Variants in OTOG observed in about 807,000 individuals in gnomAD.
OTOG encodes otogelin.
OTOG carries 296 observed loss-of-function variants against 313.8 expected under a neutral mutation model. That is an observed-to-expected ratio of 0.94 (90% CI 0.86 to 1.04). The LOEUF is 1.04. Among genes scored for constraint, OTOG ranks in the 50% least tolerant of loss-of-function variants. The pLI is 0.00. For missense variants in OTOG, 3,948 were observed against 3,840.1 expected, an observed-to-expected ratio of 1.03 and a Z score of -0.74; for synonymous variants, 1,533 against 1,554.9, an observed-to-expected ratio of 0.99 and a Z score of 0.33.
rs1565118949 is a variant in OTOG at position 17,613,239 on chromosome 11, CTTTCTTTCTTTCTTTCTTTCTT to C, written c.6439-371_6439-350del. ...TCTTTCTTTCTTTCTTTCTTTCTTTCTTTCTTTCTTTCTTTCTTTCTTTCTTTCTCTCTCTGTCTGTCTTTCT... is the reference window on the plus strand; with the variant it reads ...TCTTTCTTTCTTTCTTTCTTTCTTTCTCTTTCTCTCTCTGTCTGTCTTTCT... On this transcript the variant is annotated intron_variant, in intron 38 of 55. Coordinates refer to ENST00000399397, the MANE Select transcript of OTOG (RefSeq NM_001292063.2). Among the ~76,000 whole-genome samples the C allele has an allele frequency of 2.1e-3, 274 of 132,548 alleles. 1 individual carries two copies. The highest frequency in any genetic ancestry group is 0.015 in the South Asian group (53 of 3,594). 87.0% of individuals were successfully genotyped at this position (132,548 alleles called of 152,430 possible).
At chr11:17,611,689 CTGTG>C (rs942856545) in intron 36 of OTOG, among the ~76,000 whole-genome samples, 1 of 152,112 alleles carries the variant, frequency 6.6e-6, no homozygotes, top group Admixed American at 6.5e-5. Flanking sequence ...TGTGAGACTG[CTGTG>C]TGTGTTTGTG....
chr11:17,595,757 C>T (rs544252931), intron 28 of OTOG, among the ~76,000 whole-genome samples: 196 of 152,330 alleles, frequency 1.3e-3, no homozygotes, highest in Admixed American at 2.3e-3. Context: ...TGCTTCCTCA[C>T]AGCCAGCAAG....
chr11:17,629,152 C>A lies in OTOG; in HGVS notation c.6548C>A (p.Pro2183His). Residue 2183 changes from proline (P) to histidine (H), a missense_variant, in exon 40 of 56, where the codon CCT (proline) becomes CAT (histidine). Pro to His is a moderately conservative substitution (Grantham distance 77). Coordinates refer to ENST00000399397, the MANE Select transcript of OTOG (RefSeq NM_001292063.2). ...FNRKVTVDLQ[P>H]VWPPVSRYGF... ...CCCAAGGTGACTGTGGACTTGCAGC[C>A]TGTGTGGCCACCGGTGAGCAGGTAT... 6.5e-7 allele frequency: 1 copy of A among 1,550,282 alleles called. No homozygotes were observed. Among genetic ancestry groups the A allele is most frequent in the Non-Finnish European group, 8.7e-7 (1 of 1,146,828 alleles).
intron 23 of OTOG, among the ~76,000 whole-genome samples, chr11:17,578,727 G>C (rs1469215411): frequency 6.6e-6 from 1 of 152,176 alleles, no homozygotes; most frequent in Non-Finnish European, 1.5e-5. Context: ...GTGGGCTGGA[G>C]GAGGGAGAGC....
chr11:17,628,671 T>C (rs1372311502), intron 39 of OTOG, among the ~76,000 whole-genome samples: 1 of 152,210 alleles, frequency 6.6e-6, no homozygotes, highest in East Asian at 1.9e-4. Flanking sequence ...AAACAGATAC[T>C]TAATGGCCAG....
chr11:17,635,247 C>A, intron 46 of OTOG, 60 bp downstream of exon 46: 1 of 1,375,420 alleles, frequency 7.3e-7, no homozygotes, highest in South Asian at 1.3e-5. Context: ...CCGGCCTCAC[C>A]CCTGTGTCCT....
chr11:17,548,654 C>T (rs191661327), intron 3 of OTOG, among the ~76,000 whole-genome samples: 1 of 152,144 alleles, frequency 6.6e-6, no homozygotes, highest in East Asian at 1.9e-4. Context: ...AAAACTAGGC[C>T]ACCTGGTGGA....
At chr11:17,567,031 C>T (rs557615490) in intron 15 of OTOG, among the ~76,000 whole-genome samples, 15 of 152,178 alleles carry the variant, frequency 9.9e-5, no homozygotes, top group Non-Finnish European at 1.9e-4. Context: ...CTGTACCCAA[C>T]TGGGTAGGAT....
chr11:17,613,690 T>G lies in OTOG; in HGVS notation c.6517T>G (p.Phe2173Val). 1.3e-6 allele frequency: 2 copies of G among 1,550,686 alleles called. No individual in the cohort carries two copies. The highest frequency in any genetic ancestry group is 1.7e-6 in the Non-Finnish European group (2 of 1,147,002). The change falls in exon 39 of 56, where the codon TTC becomes GTC. Residue 2173 changes from phenylalanine to valine, a missense_variant. Coordinates refer to ENST00000399397, the MANE Select transcript of OTOG (RefSeq NM_001292063.2). ...GGCCCATCAGGTCACTATTGATCGC[T>G]TCAACCGAAAGGTGAGTGCATCAAA... The part of the protein sequence containing the change: ...HLAHQVTIDR[F>V]NRKVTVDLQP...
intron 49 of OTOG, 74 bp downstream of exon 49, chr11:17,639,537 G>A: frequency 1.4e-6 from 2 of 1,470,930 alleles, no homozygotes; most frequent in South Asian, 1.2e-5. Flanking sequence ...CTCCTCTAGA[G>A]AATCTGCTCC....
chr11:17,622,969 G>T (rs1158102585), intron 39 of OTOG, among the ~76,000 whole-genome samples: 1 of 152,122 alleles, frequency 6.6e-6, no homozygotes, highest in Non-Finnish European at 1.5e-5. Context: ...CCAAAAGTGT[G>T]AGGGTTCCCT....
At chr11:17,622,325 G>A (rs75178028) in intron 39 of OTOG, among the ~76,000 whole-genome samples, 1,900 of 152,224 alleles carry the variant, frequency 0.012, 39 homozygotes, top group African/African-American at 0.043. Context: ...ATCACATCAC[G>A]TAAAATGGGA....
chr11:17,550,154 G>C (rs143453047), intron 3 of OTOG, among the ~76,000 whole-genome samples: 1,912 of 152,268 alleles, frequency 0.013, 83 homozygotes, highest in Non-Finnish European at 8.4e-3. Flanking sequence ...GTTTTTGACT[G>C]TCACCAATAG....
At chr11:17,582,596 A>C (rs1183072478) in intron 23 of OTOG, among the ~76,000 whole-genome samples, 2 of 152,202 alleles carry the variant, frequency 1.3e-5, no homozygotes, top group Non-Finnish European at 2.9e-5. Context: ...GTATATGAGA[A>C]TCTGACTGTT....
intron 29 of OTOG, 34 bp from the exon 30 acceptor site, chr11:17,596,817 T>A (rs1250552172): frequency 2.0e-6 from 3 of 1,533,656 alleles, no homozygotes; most frequent in Non-Finnish European, 2.6e-6. Flanking sequence ...ATTTGGGATC[T>A]GTCCTCTGAC....
At position 17,642,189 on chromosome 11, in the gene OTOG, C is replaced by G. The variant is rs573309373; in HGVS notation, c.8358C>G (p.Ala2786=). 1 of 1,550,244 alleles carries G rather than the reference C, an allele frequency of 6.5e-7. No individual in the cohort carries two copies. Among genetic ancestry groups the G allele is most frequent in the African/African-American group, 1.4e-5 (1 of 73,038 alleles). Residue 2786 remains alanine (A), a synonymous_variant, in exon 53 of 56, where the codon GCC becomes GCG. Coordinates refer to ENST00000399397, the MANE Select transcript of OTOG (RefSeq NM_001292063.2). The stretch of plus-strand genomic sequence containing the variant: ...ACTGCAGCAGCACGCCCCTGGGTGC[C>G]GTGCTGGTCCGCTCTCCCATAAGCT... ...RHHCSSTPLG[A]VLVRSPISCP...
intron 4 of OTOG, 101 bp from the exon 5 acceptor site, chr11:17,553,018 C>T (rs1391902743): frequency 3.1e-5 from 32 of 1,045,732 alleles, no homozygotes; most frequent in Non-Finnish European, 4.4e-5. Context: ...CTGGGGCTGC[C>T]TGTTATGGGG....
At chr11:17,598,696 T>A (rs1256829397) in intron 30 of OTOG, among the ~76,000 whole-genome samples, 1 of 152,314 alleles carries the variant, frequency 6.6e-6, no homozygotes, top group African/African-American at 2.4e-5. Flanking sequence ...CAGGTCTGAC[T>A]CTAGAGAGCT....
intron 15 of OTOG, among the ~76,000 whole-genome samples, chr11:17,568,108 C>T (rs1418947670): frequency 1.7e-5 from 2 of 116,506 alleles, no homozygotes; most frequent in Non-Finnish European, 3.5e-5. Flanking sequence ...GGGGTTTCAC[C>T]GTGTCAGCCA....
Sources: gnomAD v4.1 joint callset for allele counts (sites outside exome capture counted in the v4.1 genomes callset) on GRCh38, gnomAD v4.1.1 for gene constraint, MANE v1.5 for transcripts, NCBI Gene and HGNC (gene_info 2026-07-23, HGNC 2026-07-21) for gene names.